The following PAG1 variants were observed in gnomAD, a reference collection of about 807,000 sequenced individuals.
The protein encoded by PAG1 is phosphoprotein associated with glycosphingolipid-enriched microdomains 1.
Under a neutral mutation model 31.7 loss-of-function variants are expected in PAG1, and 23 were observed. The observed-to-expected ratio is 0.73, with a 90% confidence interval of 0.52 to 1.03. The LOEUF is 1.03. PAG1 is among the 50% of genes least tolerant of loss of function. The pLI is 0.00. For missense variants in PAG1, 473 were observed against 540.7 expected (o/e 0.87, Z 1.24); for synonymous variants, 214 against 210.3 (o/e 1.02, Z -0.15).
chr8:81,031,654 T>G (rs1347355969), intron 2 of PAG1, among the ~76,000 whole-genome samples: 2 of 152,214 alleles, frequency 1.3e-5, no homozygotes, highest in Non-Finnish European at 2.9e-5. Context: ...TAATGTGTAT[T>G]AAAAATAATG....
rs73692524 is a variant in PAG1 at position 80,986,545 on chromosome 8, T to A, written c.274+825A>T. On this transcript the variant is annotated intron_variant, in intron 6 of 8. Transcript: ENST00000220597. ...GTGCCCAGGGATCAGACTGCCTGGT[T>A]CCAACTACAGATCCTTAGCCCGCTG... is the stretch of plus-strand genomic sequence containing the variant. 7.2e-3 allele frequency among the ~76,000 whole-genome samples: 1,102 copies of A among 152,282 alleles called. 14 individuals carry two copies. The highest frequency in any genetic ancestry group is 0.025 in the African/African-American group (1,033 of 41,552).
intron 1 of PAG1, among the ~76,000 whole-genome samples, chr8:81,094,364 A>C (rs975664442): frequency 4.6e-5 from 7 of 152,266 alleles, no homozygotes; most frequent in Non-Finnish European, 1.0e-4. Context: ...AAGATTTCTA[A>C]TTATCAGTGT....
chr8:80,993,988 AT>A (rs968067496), intron 3 of PAG1, among the ~76,000 whole-genome samples: 1 of 152,032 alleles, frequency 6.6e-6, no homozygotes, highest in African/African-American at 2.4e-5. Context: ...ATTAAAAAAA[AT>A]CAGAACAGTA....
chr8:81,052,057 G>A (rs1808741742), intron 2 of PAG1, among the ~76,000 whole-genome samples: 1 of 151,394 alleles, frequency 6.6e-6, no homozygotes, highest in South Asian at 2.1e-4. Flanking sequence ...GTGAACCCGG[G>A]AGGCGGAGCT....
At chr8:81,082,252 CAAAAAAAAAAAAA>C (rs748117144) in intron 1 of PAG1, among the ~76,000 whole-genome samples, 2 of 48,096 alleles carry the variant, frequency 4.2e-5, no homozygotes, top group Non-Finnish European at 9.3e-5. Context: ...GACTCTGTCT[CAAAAAAAAAAAAA>C]AAAAAAAAGA....
intron 2 of PAG1, among the ~76,000 whole-genome samples, chr8:81,064,977 G>A (rs1454640025): frequency 6.6e-6 from 1 of 152,166 alleles, no homozygotes; most frequent in African/African-American, 2.4e-5. Flanking sequence ...TATCAGTGGA[G>A]AGGAAACAGC....
chr8:81,041,111 G>A (rs1002835118), intron 2 of PAG1, among the ~76,000 whole-genome samples: 3 of 151,930 alleles, frequency 2.0e-5, no homozygotes, highest in African/African-American at 7.3e-5. Context: ...GAAGAAAGAA[G>A]GAGAAACAAA....
chr8:80,991,537 T>C lies in PAG1; in HGVS notation c.126-7A>G, dbSNP rs755404286. On this transcript the variant is annotated splice_polypyrimidine_tract_variant and splice_region_variant and intron_variant, in intron 4 of 8. Transcript: ENST00000220597. ...CTGTCGCGGCTTCTTTTCCCTGAAA[T>C]GAAAAGTGAAATGTTGTAATGTCAA... The C allele has an allele frequency of 6.2e-7, 1 of 1,608,762 alleles. No homozygotes were observed. The highest frequency in any genetic ancestry group is 1.7e-5 in the Admixed American group (1 of 60,016).
Position 81,112,064 on chromosome 8 carries a change from A to AGAATGACAGGCGCCGAGGC in PAG1, c.-708_-707insGCCTCGGCGCCTGTCATTC, listed in dbSNP as rs1402508830. The AGAATGACAGGCGCCGAGGC allele has an allele frequency of 5.9e-5, 9 of 152,176 alleles. No homozygotes were observed. Among genetic ancestry groups the AGAATGACAGGCGCCGAGGC allele is most frequent in the Admixed American group, 2.0e-4 (3 of 15,286 alleles). 9.4% of individuals were successfully genotyped at this position (152,176 alleles called of 1,614,324 possible). On this transcript the variant is annotated 5_prime_UTR_variant, in exon 1 of 9. Transcript: ENST00000220597. ...GCCAGCACTCGCCGCCGCGCCGCGGAGAATGACAGGCGCCGAGGCGGAGCA... is the reference window on the plus strand; with the variant it reads ...GCCAGCACTCGCCGCCGCGCCGCGGAGAATGACAGGCGCCGAGGCGAATGACAGGCGCCGAGGCGGAGCA...
At chr8:81,035,596 C>T (rs1317416923) in intron 2 of PAG1, among the ~76,000 whole-genome samples, 1 of 152,072 alleles carries the variant, frequency 6.6e-6, no homozygotes, top group East Asian at 1.9e-4. Context: ...TTAGTCAGAA[C>T]AAATTCAGAT....
chr8:81,056,065 G>C lies in PAG1; in HGVS notation c.-175+14047C>G, dbSNP rs4472467. On this transcript the variant is annotated intron_variant, in intron 2 of 8. Coordinates refer to ENST00000220597, the MANE Select transcript of PAG1 (RefSeq NM_018440.4). ...TTCAAAGGGAATGCTTCTAGTTTTTGCCCATTCAGTATGATATTGGCTGTG... is the reference window on the plus strand; with the variant it reads ...TTCAAAGGGAATGCTTCTAGTTTTTCCCCATTCAGTATGATATTGGCTGTG... 2.5e-3 allele frequency among the ~76,000 whole-genome samples: 376 copies of C among 152,236 alleles called. 3 individuals carry two copies. The highest frequency in any genetic ancestry group is 6.8e-3 in the Middle Eastern group (2 of 294).
At chr8:81,061,174 G>A (rs757682721) in intron 2 of PAG1, among the ~76,000 whole-genome samples, 1 of 152,132 alleles carries the variant, frequency 6.6e-6, no homozygotes, top group Non-Finnish European at 1.5e-5. Flanking sequence ...TATTCTTAAA[G>A]CCTTCCTTCT....
chr8:80,987,306 G>A, intron 6 of PAG1, 64 bp downstream of exon 6: 1 of 1,013,236 alleles, frequency 9.9e-7, no homozygotes, highest in South Asian at 1.3e-5. Flanking sequence ...TATGTATTTT[G>A]AAACCTAGGA....
chr8:81,079,282 C>G (rs1402850332), intron 1 of PAG1, among the ~76,000 whole-genome samples: 1 of 152,102 alleles, frequency 6.6e-6, no homozygotes, highest in Non-Finnish European at 1.5e-5. Flanking sequence ...CATCCCAACA[C>G]CACTCACGCA....
intron 1 of PAG1, among the ~76,000 whole-genome samples, chr8:81,084,364 G>A (rs1274185162): frequency 6.6e-6 from 1 of 151,204 alleles, no homozygotes; most frequent in African/African-American, 2.5e-5. Flanking sequence ...GCATCCAATA[G>A]TAGCAAAAGT....
At position 81,061,501 on chromosome 8, in the gene PAG1, G is replaced by T. The variant is rs75075381; in HGVS notation, c.-175+8611C>A. ...GGCTGGTTAATGACAGAAATTCAGA[G>T]AATACAGTACCACAGATTCCAAAAC... On this transcript the variant is annotated intron_variant, in intron 2 of 8. Transcript: ENST00000220597. Among the ~76,000 whole-genome samples, 597 of 152,268 alleles carry T rather than the reference G, an allele frequency of 3.9e-3. 5 individuals carry two copies. The highest frequency in any genetic ancestry group is 0.013 in the African/African-American group (558 of 41,528).
intron 2 of PAG1, among the ~76,000 whole-genome samples, chr8:81,033,904 A>G (rs1016913781): frequency 6.6e-6 from 1 of 152,244 alleles, no homozygotes; most frequent in African/African-American, 2.4e-5. Context: ...TCTCGAGGTT[A>G]TATCCTAACA....
At chr8:81,082,398 G>A (rs184508525) in intron 1 of PAG1, among the ~76,000 whole-genome samples, 6 of 152,154 alleles carry the variant, frequency 3.9e-5, no homozygotes, top group African/African-American at 7.2e-5. Flanking sequence ...CATCATTGGC[G>A]GGGGAGCCAT....
At chr8:81,002,183 T>C (rs999299920) in intron 3 of PAG1, among the ~76,000 whole-genome samples, 2 of 152,142 alleles carry the variant, frequency 1.3e-5, no homozygotes, top group African/African-American at 4.8e-5. Context: ...CTGTTTTTAT[T>C]TGGCTTCTGA....
Sources: allele counts gnomAD v4.1 joint callset (sites outside exome capture counted in the v4.1 genomes callset), GRCh38; gene constraint gnomAD v4.1.1; transcripts MANE v1.5; gene names NCBI Gene and HGNC (gene_info 2026-07-23, HGNC 2026-07-21).